The following SLC5A11 variants were observed in gnomAD, a reference collection of about 807,000 sequenced individuals.
SLC5A11 encodes the protein solute carrier family 5 member 11.
A neutral mutation model predicts 69.8 loss-of-function variants in SLC5A11; 48 were observed. The observed-to-expected ratio is 0.69, with a 90% CI of 0.55 to 0.87. The LOEUF is 0.87. Ranked by LOEUF, SLC5A11 falls within the 40% of genes least tolerant of loss-of-function variation. The probability of loss-of-function intolerance (pLI) is 0.00; values close to 1 mark genes in which losing one functional copy is unlikely to be tolerated. For synonymous variants in SLC5A11, 319 were observed against 342.4 expected (o/e 0.93, Z 0.75); for missense variants, 784 against 866.1 (o/e 0.91, Z 1.19).
chr16:24,874,422 A>G (rs1463478264), intron 5 of SLC5A11, among the ~76,000 whole-genome samples: 1 of 152,220 alleles, frequency 6.6e-6, no homozygotes. Flanking sequence ...TTCCCAGAGT[A>G]GTTCTATCCA....
chr16:24,907,812 G>C, intron 12 of SLC5A11, 151 bp from the exon 14 acceptor site: 2 of 907,724 alleles, frequency 2.2e-6, no homozygotes, highest in Admixed American at 4.9e-5. Flanking sequence ...CTTGAGCCCA[G>C]GAGTTGGAGG....
chr16:24,908,806 T>C, intron 13 of SLC5A11, 75 bp from the exon 15 acceptor site: 1 of 1,426,324 alleles, frequency 7.0e-7, no homozygotes, highest in East Asian at 2.3e-5. Flanking sequence ...AGACAAGTCC[T>C]GGAGATGGCT....
chr16:24,849,622 A>ATC lies in SLC5A11; in HGVS notation c.-25+3185_-25+3186dup, dbSNP rs1555516007. On this transcript the variant is annotated intron_variant, in intron 1 of 15. Coordinates refer to ENST00000347898, the Ensembl canonical transcript of SLC5A11. Reference sequence around the variant, plus strand: ...TATATATATATATATATATATATATATCCATGAGAGATGCCACGTTGGCAT... The same window carrying ATC: ...TATATATATATATATATATATATATATCTCCATGAGAGATGCCACGTTGGCAT... Among the ~76,000 whole-genome samples the ATC allele has an allele frequency of 1.0e-3, 131 of 128,236 alleles. 3 individuals carry two copies. Among genetic ancestry groups the ATC allele is most frequent in the Admixed American group, 2.6e-3 (32 of 12,468 alleles). The allele number at this position is 128,236 out of a possible 152,430, so 84.1% of individuals were successfully genotyped here.
At chr16:24,899,564 C>T (rs138398773) in intron 10 of SLC5A11, among the ~76,000 whole-genome samples, 25 of 151,940 alleles carry the variant, frequency 1.6e-4, no homozygotes, top group Admixed American at 8.5e-4. Flanking sequence ...CCACCATGCC[C>T]GGCTAATTTT....
intron 7 of SLC5A11, 73 bp from the exon 9 acceptor site, chr16:24,883,978 G>C: frequency 7.1e-7 from 1 of 1,416,736 alleles, no homozygotes; most frequent in South Asian, 1.2e-5. Flanking sequence ...GGCCTTCCAG[G>C]TTCCCTTGGT....
At chr16:24,911,541 T>C in exon 16 of SLC5A11, 1 of 1,614,114 alleles carries the variant, frequency 6.2e-7, no homozygotes, top group Non-Finnish European at 8.5e-7. Flanking sequence ...TAGTGTGGGG[T>C]GAACCCAGGG....
chr16:24,860,100 A>G (rs1012036655), intron 2 of SLC5A11, among the ~76,000 whole-genome samples: 4 of 152,340 alleles, frequency 2.6e-5, no homozygotes, highest in South Asian at 4.1e-4. Flanking sequence ...AGCCTGGCCA[A>G]TGTGGTGAAA....
intron 1 of SLC5A11, chr16:24,846,761 T>C (rs1414499295): frequency 6.6e-6 from 1 of 152,246 alleles, no homozygotes; most frequent in African/African-American, 2.4e-5. Flanking sequence ...AATATGAACC[T>C]CAGGCTGACC....
At chr16:24,873,940 C>T (rs2047501267) in intron 5 of SLC5A11, among the ~76,000 whole-genome samples, 1 of 151,584 alleles carries the variant, frequency 6.6e-6, no homozygotes, top group Admixed American at 6.6e-5. Flanking sequence ...AATTCTCCTC[C>T]CTCAACCTCC....
intron 8 of SLC5A11, among the ~76,000 whole-genome samples, chr16:24,888,379 A>G (rs2048525038): frequency 6.6e-6 from 1 of 152,062 alleles, no homozygotes; most frequent in Non-Finnish European, 1.5e-5. Context: ...CTGTACCTCT[A>G]TCAAAACATT....
At chr16:24,858,732 C>A (rs372492277) in exon 2 of SLC5A11, 4 of 1,611,648 alleles carry the variant, frequency 2.5e-6, no homozygotes, top group Non-Finnish European at 3.4e-6. Context: ...GGGGACATCG[C>A]GGTGCTAGTT....
At chr16:24,903,989 G>A (rs1054558697) in intron 10 of SLC5A11, among the ~76,000 whole-genome samples, 4 of 152,208 alleles carry the variant, frequency 2.6e-5, no homozygotes, top group African/African-American at 9.7e-5. Context: ...GAAACTTACA[G>A]TCATGGTGGA....
chr16:24,885,478 C>T (rs2152345849), intron 8 of SLC5A11, among the ~76,000 whole-genome samples: 1 of 151,966 alleles, frequency 6.6e-6, no homozygotes, highest in East Asian at 1.9e-4. Context: ...GAGACTGTCT[C>T]TACAAAAAAT....
intron 7 of SLC5A11, 117 bp downstream of exon 8, chr16:24,877,480 T>A: frequency 1.4e-6 from 1 of 705,314 alleles, no homozygotes; most frequent in Non-Finnish European, 2.4e-6. Flanking sequence ...ATTTATTCAT[T>A]AAACGTCACT....
chr16:24,848,901 G>C (rs2059144247), intron 1 of SLC5A11, among the ~76,000 whole-genome samples: 1 of 152,218 alleles, frequency 6.6e-6, no homozygotes, highest in Admixed American at 6.5e-5. Context: ...TGGTGGCTCA[G>C]ACAAGGGTGA....
chr16:24,854,484 C>T (rs1267158507), intron 1 of SLC5A11, among the ~76,000 whole-genome samples: 2 of 151,832 alleles, frequency 1.3e-5, no homozygotes, highest in African/African-American at 4.8e-5. Context: ...GGCTGGAGTG[C>T]AGTGGCATAA....
At chr16:24,884,823 C>T (rs2048294975) in intron 8 of SLC5A11, among the ~76,000 whole-genome samples, 1 of 152,088 alleles carries the variant, frequency 6.6e-6, no homozygotes, top group South Asian at 2.1e-4. Flanking sequence ...TCACTGCAAC[C>T]TCTGCCTCCT....
At chr16:24,849,622 A>ATATATC (rs1459859144) in intron 1 of SLC5A11, among the ~76,000 whole-genome samples, 1 of 128,240 alleles carries the variant, frequency 7.8e-6, no homozygotes, top group Non-Finnish European at 1.6e-5. Flanking sequence ...ATATATATAT[A>ATATATC]TCCATGAGAG....
At chr16:24,851,803 C>T (rs751425257) in intron 1 of SLC5A11, among the ~76,000 whole-genome samples, 9 of 152,148 alleles carry the variant, frequency 5.9e-5, no homozygotes, top group Non-Finnish European at 1.5e-5. Context: ...GATGAAGGAG[C>T]TCACAGGAGG....
Sources: gnomAD v4.1 joint callset for allele counts (sites outside exome capture counted in the v4.1 genomes callset) on GRCh38, gnomAD v4.1.1 for gene constraint, MANE v1.5 for transcripts, NCBI Gene and HGNC (gene_info 2026-07-23, HGNC 2026-07-21) for gene names.